The following CNTN4 variants were observed in gnomAD, a reference collection of about 807,000 sequenced individuals.
CNTN4 encodes the protein contactin-4.
Under a neutral mutation model 122.5 loss-of-function variants are expected in CNTN4, and 77 were observed. The ratio of observed to expected loss-of-function variants is 0.63; its 90% CI spans 0.52 to 0.76. The LOEUF is 0.76. Ranked by LOEUF, CNTN4 falls within the 30% of genes least tolerant of loss-of-function variation. The pLI, the probability that CNTN4 is intolerant of heterozygous loss-of-function variation, is 0.00. For synonymous variants in CNTN4, 512 were observed against 447.0 expected (o/e 1.15, Z -1.83); for missense variants, 1,256 against 1,259.1 (o/e 1.00, Z 0.04).
chr3:2,623,725 CAG>C (rs1368601400), intron 4 of CNTN4, among the ~76,000 whole-genome samples: 2 of 152,096 alleles, frequency 1.3e-5, no homozygotes, highest in Non-Finnish European at 2.9e-5. Context: ...CTTGGGAATA[CAG>C]AGTGGAAAAC....
At chr3:2,592,374 A>C (rs2080538208) in intron 4 of CNTN4, among the ~76,000 whole-genome samples, 1 of 152,358 alleles carries the variant, frequency 6.6e-6, no homozygotes, top group Middle Eastern at 3.4e-3. Context: ...AAAGTGTTTA[A>C]GTTTTCTGAA....
rs2087007269 is a variant in CNTN4 at position 2,709,797 on chromosome 3, C to T, written c.56-26418C>T. On this transcript the variant is annotated intron_variant, in intron 4 of 24. Transcript: ENST00000418658. The surrounding 1 kb of genome is among the most constrained non-coding windows in gnomAD (Gnocchi z 5.0). ...GGCGTGGTGGTGCACACCTGTAGTC[C>T]CAGCTACTTGGGAGGCTGAGCCAGG... Among the ~76,000 whole-genome samples, 1 of 151,910 alleles carries T rather than the reference C, an allele frequency of 6.6e-6. No individual in the cohort carries two copies. Among genetic ancestry groups the T allele is most frequent in the Admixed American group, 6.6e-5 (1 of 15,240 alleles).
At chr3:2,549,978 T>C (rs2078418887) in intron 3 of CNTN4, among the ~76,000 whole-genome samples, 1 of 152,192 alleles carries the variant, frequency 6.6e-6, no homozygotes, top group Non-Finnish European at 1.5e-5. Flanking sequence ...TTTTCCAGTT[T>C]ATTTGCGTAG....
chr3:2,986,504 A>G (rs1370568013), intron 13 of CNTN4, among the ~76,000 whole-genome samples: 1 of 152,216 alleles, frequency 6.6e-6, no homozygotes, highest in Non-Finnish European at 1.5e-5. Context: ...ACTGAGTCAT[A>G]GATCTGGACC....
chr3:2,526,154 A>G (rs150755665), intron 3 of CNTN4, among the ~76,000 whole-genome samples: 148 of 152,174 alleles, frequency 9.7e-4, no homozygotes, highest in African/African-American at 3.4e-3. Flanking sequence ...GGTCCTCCCT[A>G]TGACTCAGCT....
At chr3:2,319,445 C>A (rs1284055157) in intron 2 of CNTN4, among the ~76,000 whole-genome samples, 2 of 152,130 alleles carry the variant, frequency 1.3e-5, no homozygotes, top group East Asian at 3.9e-4. Context: ...AGGGTGCCTG[C>A]CTTTCCTGCC....
intron 24 of CNTN4, among the ~76,000 whole-genome samples, chr3:3,055,760 C>A (rs1371428660): frequency 6.6e-6 from 1 of 152,182 alleles, no homozygotes; most frequent in Non-Finnish European, 1.5e-5. Flanking sequence ...GTGTCATATT[C>A]ATCTGTGCCC....
chr3:2,707,195 A>G (rs965323407), intron 4 of CNTN4, among the ~76,000 whole-genome samples: 3 of 151,706 alleles, frequency 2.0e-5, no homozygotes, highest in Non-Finnish European at 2.9e-5. Flanking sequence ...AGTCCCAGCT[A>G]CTCAGGAGCC....
chr3:2,462,145 C>G (rs944990376), intron 3 of CNTN4, among the ~76,000 whole-genome samples: 1 of 152,076 alleles, frequency 6.6e-6, no homozygotes, highest in African/African-American at 2.4e-5. Flanking sequence ...GTGTTATAAC[C>G]ACCTTTCTAT....
intron 3 of CNTN4, among the ~76,000 whole-genome samples, chr3:2,558,346 C>G (rs1198048804): frequency 1.3e-5 from 2 of 152,144 alleles, no homozygotes; most frequent in African/African-American, 2.4e-5. Flanking sequence ...TTATAGCATT[C>G]ATTTCTTCTT....
chr3:2,373,651 A>G (rs2045714063), intron 3 of CNTN4, among the ~76,000 whole-genome samples: 1 of 152,228 alleles, frequency 6.6e-6, no homozygotes, highest in African/African-American at 2.4e-5. Flanking sequence ...GGTTTTAAGT[A>G]GGATCTTGAT....
rs559861822 is a variant in CNTN4 at position 2,566,629 on chromosome 3, C to G, written c.-88-4787C>G. Among the ~76,000 whole-genome samples the G allele has an allele frequency of 2.0e-5, 3 of 151,146 alleles. No homozygotes were observed. In the South Asian group the frequency reaches 6.4e-4, roughly 32 times the overall value. The stretch of plus-strand genomic sequence containing the variant: ...GGGGCCAGGAGGCAGAATTTGAATC[C>G]AAGTTTAAATAAACGATGATAGTTA... On this transcript the variant is annotated intron_variant, in intron 3 of 24. Transcript: ENST00000418658.
intron 8 of CNTN4, among the ~76,000 whole-genome samples, chr3:2,877,887 GC>G (rs2093863015): frequency 6.6e-6 from 1 of 152,058 alleles, no homozygotes; most frequent in Admixed American, 6.6e-5. Context: ...GAAAGTAAAG[GC>G]CAAAATAGTT....
chr3:2,519,371 A>G (rs1244256807), intron 3 of CNTN4, among the ~76,000 whole-genome samples: 1 of 152,156 alleles, frequency 6.6e-6, no homozygotes, highest in East Asian at 1.9e-4. Flanking sequence ...GACATGATCT[A>G]CAGATTGTCT....
intron 4 of CNTN4, among the ~76,000 whole-genome samples, chr3:2,587,774 A>AT (rs550391425): frequency 9.9e-5 from 15 of 151,598 alleles, no homozygotes; most frequent in African/African-American, 3.4e-4. Flanking sequence ...AATATTATGA[A>AT]TTTTTTTTCA....
intron 19 of CNTN4, chr3:3,039,524 G>A (rs1026460553): frequency 5.7e-6 from 1 of 175,280 alleles, no homozygotes; most frequent in African/African-American, 2.4e-5. Flanking sequence ...GTTTTTGAAA[G>A]ATTCTAAACA....
chr3:2,729,377 A>ATG (rs2088488269), intron 4 of CNTN4, among the ~76,000 whole-genome samples: 1 of 149,244 alleles, frequency 6.7e-6, no homozygotes, highest in Non-Finnish European at 1.5e-5. Context: ...ATCCCGGCTA[A>ATG]CACAAAATTA....
chr3:2,988,294 G>A (rs756862016), intron 13 of CNTN4, 51 bp from the exon 14 acceptor site: 6 of 1,564,880 alleles, frequency 3.8e-6, no homozygotes, highest in African/African-American at 2.7e-5. Context: ...ATTTGCAATA[G>A]GTCATATGAG....
chr3:2,460,720 C>G (rs989412399), intron 3 of CNTN4, among the ~76,000 whole-genome samples: 1 of 152,144 alleles, frequency 6.6e-6, no homozygotes, highest in Non-Finnish European at 1.5e-5. Flanking sequence ...AAGGTCTCAA[C>G]GCAAATCTTT....
Sources: allele counts gnomAD v4.1 joint callset (sites outside exome capture counted in the v4.1 genomes callset), GRCh38; gene constraint gnomAD v4.1.1; non-coding constraint Gnocchi (gnomAD v3.1); transcripts MANE v1.5; gene names NCBI Gene and HGNC (gene_info 2026-07-23, HGNC 2026-07-21).